The following PCGF5 variants were observed in gnomAD, a reference collection of about 807,000 sequenced individuals.
The protein encoded by PCGF5 is polycomb group ring finger 5, also known as polycomb group RING finger protein 5.
In PCGF5, 9 loss-of-function variants were observed where a neutral mutation model predicts 44.3. The observed-to-expected ratio is 0.20, with a 90% CI of 0.12 to 0.35. PCGF5 has a LOEUF of 0.35. Ranked by LOEUF, PCGF5 falls within the 10% of genes least tolerant of loss-of-function variation. The pLI, the probability that PCGF5 is intolerant of heterozygous loss-of-function variation, is 1.00. For synonymous variants in PCGF5, 95 were observed against 102.5 expected, an observed-to-expected ratio of 0.93 and a Z score of 0.44; for missense variants, 146 against 305.3, an observed-to-expected ratio of 0.48 and a Z score of 3.89.
intron 1 of PCGF5, among the ~76,000 whole-genome samples, chr10:91,204,721 G>A (rs1334360535): frequency 2.0e-5 from 3 of 152,130 alleles, no homozygotes; most frequent in African/African-American, 4.8e-5. Flanking sequence ...TTATTGCCAC[G>A]TCCTGCCCTT....
rs572830691 is a variant in PCGF5 at position 91,230,645 on chromosome 10, G to A, written c.112+7662G>A. Among the ~76,000 whole-genome samples the A allele has an allele frequency of 9.8e-4, 149 of 152,024 alleles. 1 individual carries two copies. The highest frequency in any genetic ancestry group is 3.3e-3 in the African/African-American group (137 of 41,444). ...TTTAGAGACAGGGTCTCACTCTGTC[G>A]CCCAGGCTGGAGTGCAGTGGCAAGA... On this transcript the variant is annotated intron_variant, in intron 2 of 9. Coordinates refer to ENST00000336126, the MANE Select transcript of PCGF5 (RefSeq NM_032373.5).
intron 9 of PCGF5, among the ~76,000 whole-genome samples, chr10:91,274,406 G>C (rs942373468): frequency 6.6e-6 from 1 of 152,126 alleles, no homozygotes; most frequent in Non-Finnish European, 1.5e-5. Flanking sequence ...TGAATAAAAA[G>C]AATAGCTCAG....
intron 1 of PCGF5, among the ~76,000 whole-genome samples, chr10:91,186,670 C>A (rs1843932708): frequency 6.6e-6 from 1 of 151,670 alleles, no homozygotes; most frequent in Admixed American, 6.6e-5. Flanking sequence ...TCTTTTGTAC[C>A]TTTCACCAGT....
intron 9 of PCGF5, among the ~76,000 whole-genome samples, chr10:91,274,125 A>G (rs1480902221): frequency 1.3e-5 from 2 of 151,928 alleles, no homozygotes; most frequent in Admixed American, 6.6e-5. Context: ...ATGTATATAT[A>G]TATGTAATAG....
At position 91,220,697 on chromosome 10, in the gene PCGF5, C is replaced by A. The variant is rs998635783; in HGVS notation, c.-323C>A. The A allele has an allele frequency of 6.6e-6, 1 of 151,564 alleles. No homozygotes were observed. The highest frequency in any genetic ancestry group is 2.4e-5 in the African/African-American group (1 of 41,316). The allele number at this position is 151,564 out of a possible 1,614,324, so 9.4% of individuals were successfully genotyped here. A position where few individuals can be genotyped will look rare whatever the true frequency, so the allele number is the denominator to read the frequency against. On this transcript the variant is annotated 5_prime_UTR_variant, in exon 1 of 10. Coordinates refer to ENST00000336126, the MANE Select transcript of PCGF5 (RefSeq NM_032373.5). Reference sequence around the variant, plus strand: ...GAGCCGAGTGGCCCCACAGAGCCGGCGCGCTCCCGCCTGCAGGGGGAGAGC... The same window carrying A: ...GAGCCGAGTGGCCCCACAGAGCCGGAGCGCTCCCGCCTGCAGGGGGAGAGC...
intron 9 of PCGF5, among the ~76,000 whole-genome samples, chr10:91,272,847 T>C (rs1012923020): frequency 6.6e-6 from 1 of 152,216 alleles, no homozygotes; most frequent in African/African-American, 2.4e-5. Flanking sequence ...TTTTCATCTT[T>C]ATTTCCTTGG....
chr10:91,253,914 A>G (rs1291046447), intron 6 of PCGF5, among the ~76,000 whole-genome samples: 2 of 152,012 alleles, frequency 1.3e-5, no homozygotes, highest in Non-Finnish European at 2.9e-5. Context: ...GACAATAGTA[A>G]ATGAATGGGC....
rs190684960 is a variant in PCGF5 at position 91,262,362 on chromosome 10, A to G, written c.573+938A>G. ...TCACTTAGGTGAACCTGGGAGGCGGAGGTTGCAGTGACCCGAGATCACGCC... is the reference window on the plus strand; with the variant it reads ...TCACTTAGGTGAACCTGGGAGGCGGGGGTTGCAGTGACCCGAGATCACGCC... On this transcript the variant is annotated intron_variant, in intron 7 of 9. Transcript: ENST00000336126. Among the ~76,000 whole-genome samples, 238 of 152,256 alleles carry G rather than the reference A, an allele frequency of 1.6e-3. 1 individual carries two copies. Among genetic ancestry groups the G allele is most frequent in the African/African-American group, 5.6e-3 (233 of 41,554 alleles).
intron 9 of PCGF5, among the ~76,000 whole-genome samples, chr10:91,277,709 T>A (rs1228246063): frequency 2.0e-5 from 3 of 152,250 alleles, no homozygotes; most frequent in Non-Finnish European, 4.4e-5. Context: ...AACAATCAGC[T>A]ACTTTTTCAA....
chr10:91,182,124 G>A (rs1292674441), intron 1 of PCGF5, among the ~76,000 whole-genome samples: 2 of 151,702 alleles, frequency 1.3e-5, no homozygotes, highest in Non-Finnish European at 2.9e-5. Context: ...ATTTCTGTGA[G>A]GTCAGCGGTA....
At chr10:91,219,853 G>C (rs1229984235), upstream of PCGF5, among the ~76,000 whole-genome samples, 1 of 152,270 alleles carries the variant, frequency 6.6e-6, no homozygotes, top group East Asian at 1.9e-4. Context: ...CGGTTGTTAA[G>C]TTTGTTGGTT....
At chr10:91,222,596 A>G in intron 1 of PCGF5, 93 bp from the exon 2 acceptor site, 2 of 483,122 alleles carry the variant, frequency 4.1e-6, no homozygotes, top group African/African-American at 1.9e-5. Context: ...AATTGGGAAC[A>G]TGTAACACTT....
intron 1 of PCGF5, among the ~76,000 whole-genome samples, chr10:91,193,206 C>T (rs1232873229): frequency 2.0e-5 from 3 of 152,106 alleles, no homozygotes; most frequent in Non-Finnish European, 4.4e-5. Context: ...AAACTGAATC[C>T]AGCCAAAGAC....
intron 1 of PCGF5, among the ~76,000 whole-genome samples, chr10:91,198,891 C>T (rs527855679): frequency 8.5e-5 from 13 of 152,304 alleles, no homozygotes; most frequent in Admixed American, 2.0e-4. Context: ...TCTTCCTTTT[C>T]TTGCCAGGCC....
chr10:91,219,408 G>A (rs1197351335), upstream of PCGF5, among the ~76,000 whole-genome samples: 3 of 152,124 alleles, frequency 2.0e-5, no homozygotes, highest in Non-Finnish European at 4.4e-5. Context: ...ATATATTGTG[G>A]TATATATACA....
At chr10:91,235,629 A>G (rs1333661664) in intron 2 of PCGF5, among the ~76,000 whole-genome samples, 3 of 152,104 alleles carry the variant, frequency 2.0e-5, no homozygotes, top group Admixed American at 6.6e-5. Context: ...AACTCCCACA[A>G]TTTCCATGTG....
At chr10:91,241,778 A>C (rs930532113) in intron 3 of PCGF5, among the ~76,000 whole-genome samples, 5 of 151,594 alleles carry the variant, frequency 3.3e-5, no homozygotes, top group Non-Finnish European at 5.9e-5. Flanking sequence ...ATAAATCTGG[A>C]TTTGCAAATC....
At chr10:91,160,479 G>GAT (rs199957931), upstream of PCGF5, among the ~76,000 whole-genome samples, 2,518 of 152,284 alleles carry the variant, frequency 0.017, 80 homozygotes, top group African/African-American at 0.058. Context: ...GATTAAATGA[G>GAT]AACGTTTGTA....
chr10:91,250,513 T>C (rs1845597989), intron 5 of PCGF5, among the ~76,000 whole-genome samples: 1 of 150,332 alleles, frequency 6.7e-6, no homozygotes, highest in Admixed American at 6.6e-5. Context: ...TTTTTTTTTT[T>C]AGCTTGCCTT....
Sources: allele counts gnomAD v4.1 joint callset (sites outside exome capture counted in the v4.1 genomes callset), GRCh38; gene constraint gnomAD v4.1.1; transcripts MANE v1.5; gene names NCBI Gene and HGNC (gene_info 2026-07-23, HGNC 2026-07-21).